The following FGD1 variants were observed in gnomAD, a reference collection of about 807,000 sequenced individuals.
FGD1 encodes the protein FYVE, RhoGEF and PH domain containing 1.
FGD1 carries 12 observed loss-of-function variants against 65.0 expected under a neutral mutation model. The observed-to-expected ratio is 0.18, with a 90% CI of 0.12 to 0.30. The LOEUF is 0.30. FGD1 is among the 10% of genes least tolerant of loss of function. The probability of loss-of-function intolerance (pLI) is 1.00; values close to 1 mark genes in which losing one functional copy is unlikely to be tolerated. For missense variants in FGD1, 542 were observed against 837.6 expected (o/e 0.65, Z 4.36); for synonymous variants, 333 against 343.9 (o/e 0.97, Z 0.35).
At chrX:54,448,186 ATTT>A (rs746743930) in intron 16 of FGD1, among the ~76,000 whole-genome samples, 2 of 102,752 alleles carry the variant, frequency 1.9e-5, no homozygotes, top group African/African-American at 3.5e-5. Flanking sequence ...CAATTTTTAA[ATTT>A]TTTTTTTTTT....
Position 54,469,999 on chromosome X carries a change from T to G in FGD1, c.1101+17A>C. On this transcript the variant is annotated intron_variant, in intron 4 of 17. Coordinates refer to ENST00000375135, the MANE Select transcript of FGD1 (RefSeq NM_004463.3). ...TTCTCCACATGGACCTGCCTCTCGGTGAACACAGGTCAGTACCTCCACAGA... is the reference window on the plus strand; with the variant it reads ...TTCTCCACATGGACCTGCCTCTCGGGGAACACAGGTCAGTACCTCCACAGA... The G allele has an allele frequency of 1.7e-6, 2 of 1,201,771 alleles. No homozygotes were observed. The highest frequency in any genetic ancestry group is 3.5e-5 in the African/African-American group (2 of 57,500).
At chrX:54,458,540 CAAAAAAAAAAA>C (rs774218099) in intron 8 of FGD1, among the ~76,000 whole-genome samples, 1 of 17,591 alleles carries the variant, frequency 5.7e-5, no homozygotes, top group South Asian at 3.9e-3. Flanking sequence ...GACTACGTCT[CAAAAAAAAAAA>C]AAAAAAAAAA....
rs1478263414 is a variant in FGD1, at chrX:54,449,647, G to A, written c.2148+12C>T. The A allele has an allele frequency of 3.2e-5, 36 of 1,127,045 alleles. No homozygotes were observed. In the Middle Eastern group the frequency reaches 7.8e-4, roughly 24 times the overall value. The allele number at this position is 1,127,045 out of a possible 1,213,427, so 92.9% of individuals were successfully genotyped here. A position where few individuals can be genotyped will look rare whatever the true frequency, so the allele number is the denominator to read the frequency against. The stretch of plus-strand genomic sequence containing the variant: ...GGTCCCAGTGCAGGGGAAAGAGGGC[G>A]GGGACTCTTACTGGAGAGTTGGGTG... On this transcript the variant is annotated intron_variant, in intron 14 of 17. Transcript: ENST00000375135.
Sources: allele counts gnomAD v4.1 joint callset (sites outside exome capture counted in the v4.1 genomes callset), GRCh38; gene constraint gnomAD v4.1.1; transcripts MANE v1.5; gene names NCBI Gene and HGNC (gene_info 2026-07-23, HGNC 2026-07-21).